Variants in ARHGAP22 observed in about 807,000 individuals in gnomAD.
ARHGAP22 encodes the protein rho GTPase-activating protein 22.
In ARHGAP22, 48 loss-of-function variants were observed where a neutral mutation model predicts 59.1. The ratio of observed to expected loss-of-function variants is 0.81; its 90% CI spans 0.64 to 1.03. ARHGAP22 has a LOEUF of 1.03. Among genes scored for constraint, ARHGAP22 ranks in the 50% least tolerant of loss-of-function variants. The pLI is 0.00. For synonymous variants in ARHGAP22, 445 were observed against 416.4 expected (o/e 1.07, Z -0.84); for missense variants, 1,015 against 958.7 (o/e 1.06, Z -0.78).
At chr10:48,536,430 G>A (rs2055364422) in intron 3 of ARHGAP22, among the ~76,000 whole-genome samples, 1 of 152,186 alleles carries the variant, frequency 6.6e-6, no homozygotes, top group Non-Finnish European at 1.5e-5. Flanking sequence ...GGCTGAGTTG[G>A]CCTCAGATGG....
chr10:48,490,180 G>C (rs2050246796), intron 3 of ARHGAP22, among the ~76,000 whole-genome samples: 1 of 152,166 alleles, frequency 6.6e-6, no homozygotes, highest in Non-Finnish European at 1.5e-5. Flanking sequence ...ACCTCATCAG[G>C]AGAATGAAAT....
intron 9 of ARHGAP22, among the ~76,000 whole-genome samples, chr10:48,447,561 T>C (rs10857569): frequency 0.92 from 140,730 of 152,264 alleles, 65,975 homozygotes; most frequent in East Asian, 1. Flanking sequence ...GCTTGAAGCA[T>C]GGCCTGAGCC....
chr10:48,649,315 C>T lies in ARHGAP22; in HGVS notation c.52+2919G>A, dbSNP rs1230278366. 2.6e-5 allele frequency among the ~76,000 whole-genome samples: 4 copies of T among 152,118 alleles called. 1 individual carries two copies. The highest frequency in any genetic ancestry group is 5.9e-5 in the Non-Finnish European group (4 of 68,018). ...CCAGCAGTGGGGGAGAGAGTCTGCTCTGGGAAAGGCCAAGGTGAGGACAAC... is the reference window on the plus strand; with the variant it reads ...CCAGCAGTGGGGGAGAGAGTCTGCTTTGGGAAAGGCCAAGGTGAGGACAAC... On this transcript the variant is annotated intron_variant, in intron 1 of 9. Coordinates refer to the ARHGAP22 transcript ENST00000435790.
At chr10:48,500,986 G>T (rs543202322) in intron 3 of ARHGAP22, among the ~76,000 whole-genome samples, 43 of 151,986 alleles carry the variant, frequency 2.8e-4, no homozygotes, top group African/African-American at 9.2e-4. Flanking sequence ...TTTGGAGAAG[G>T]CCTAAGTATG....
At chr10:48,634,574 C>T (rs2071610090) in intron 1 of ARHGAP22, among the ~76,000 whole-genome samples, 1 of 152,106 alleles carries the variant, frequency 6.6e-6, no homozygotes, top group Non-Finnish European at 1.5e-5. Flanking sequence ...TTCCGCTTGG[C>T]TCCCTAGAGG....
At chr10:48,580,158 C>A (rs1166296509) in intron 2 of ARHGAP22, among the ~76,000 whole-genome samples, 1 of 152,182 alleles carries the variant, frequency 6.6e-6, no homozygotes, top group Non-Finnish European at 1.5e-5. Flanking sequence ...TCAACGTGCT[C>A]CCTGGCAATA....
intron 3 of ARHGAP22, among the ~76,000 whole-genome samples, 181 bp downstream of exon 3, chr10:48,555,282 G>A (rs2057218143): frequency 6.6e-6 from 1 of 152,180 alleles, no homozygotes; most frequent in Non-Finnish European, 1.5e-5. Context: ...ATAATTGATG[G>A]GACTTTCTAA....
chr10:48,554,369 G>GAACACCCA (rs2057138047), intron 3 of ARHGAP22, among the ~76,000 whole-genome samples: 1 of 152,138 alleles, frequency 6.6e-6, no homozygotes, highest in Non-Finnish European at 1.5e-5. Flanking sequence ...GGGTGGCTGG[G>GAACACCCA]GTGGCTTTAC....
intron 4 of ARHGAP22, among the ~76,000 whole-genome samples, chr10:48,464,591 C>T (rs1054057921): frequency 3.9e-5 from 6 of 152,290 alleles, no homozygotes; most frequent in African/African-American, 1.4e-4. Context: ...TGGTTGGCAG[C>T]ACCCTGCCCT....
chr10:48,634,854 A>C (rs1194068528), intron 1 of ARHGAP22, among the ~76,000 whole-genome samples: 1 of 152,218 alleles, frequency 6.6e-6, no homozygotes, highest in African/African-American at 2.4e-5. Context: ...GGTGGGCCCT[A>C]GTCCAATATG....
intron 3 of ARHGAP22, among the ~76,000 whole-genome samples, chr10:48,551,158 G>A (rs911491449): frequency 5.3e-5 from 8 of 152,152 alleles, no homozygotes; most frequent in African/African-American, 1.2e-4. Context: ...CCTGGTGGAC[G>A]GTGTTGTGAA....
chr10:48,442,125 T>C (rs2045217420), downstream of ARHGAP22, among the ~76,000 whole-genome samples: 1 of 152,182 alleles, frequency 6.6e-6, no homozygotes, highest in Non-Finnish European at 1.5e-5. Flanking sequence ...AGCGCTGTGA[T>C]ATTATAGTGA....
intron 3 of ARHGAP22, among the ~76,000 whole-genome samples, chr10:48,482,315 T>C (rs1294607749): frequency 6.6e-6 from 1 of 152,256 alleles, no homozygotes; most frequent in Non-Finnish European, 1.5e-5. Context: ...CTTTTGCATA[T>C]GCACATTCCA....
At chr10:48,445,194 T>C (rs1197769391), downstream of ARHGAP22, 2 of 152,162 alleles carry the variant, frequency 1.3e-5, no homozygotes, top group Non-Finnish European at 2.9e-5. Flanking sequence ...GTGGGCAACA[T>C]TTATACCTGA....
chr10:48,490,531 A>G (rs995212198), intron 3 of ARHGAP22, among the ~76,000 whole-genome samples: 1 of 152,162 alleles, frequency 6.6e-6, no homozygotes, highest in African/African-American at 2.4e-5. Context: ...AATGACTTAC[A>G]ATTCTATCAT....
chr10:48,466,208 C>T (rs892749200), intron 4 of ARHGAP22, among the ~76,000 whole-genome samples: 2 of 152,008 alleles, frequency 1.3e-5, no homozygotes, highest in African/African-American at 2.4e-5. Context: ...GCCCGAGGCT[C>T]GGATCCCGCT....
Position 48,450,768 on chromosome 10 carries a change from A to T in ARHGAP22, c.1361T>A (p.Ile454Asn). 6.4e-7 allele frequency: 1 copy of T among 1,564,952 alleles called. No individual in the cohort carries two copies. Among genetic ancestry groups the T allele is most frequent in the Non-Finnish European group, 8.7e-7 (1 of 1,155,074 alleles). Residue 454 changes from isoleucine to asparagine, a missense_variant, in exon 9 of 10, where the codon ATC (isoleucine) becomes AAC (asparagine). Transcript: ENST00000249601. ...CATAAGCCAGTTCCCGCCGGAGGAGATGATGGGCACCTCCAGGGATGAGCC... is the reference window on the plus strand; with the variant it reads ...CATAAGCCAGTTCCCGCCGGAGGAGTTGATGGGCACCTCCAGGGATGAGCC... ...GGGSSLEVPIISSGGNWLMNG... is the reference protein window; with the variant it reads ...GGGSSLEVPINSSGGNWLMNG...
At chr10:48,494,629 A>T (rs1176043595) in intron 3 of ARHGAP22, among the ~76,000 whole-genome samples, 1 of 152,038 alleles carries the variant, frequency 6.6e-6, no homozygotes, top group East Asian at 1.9e-4. Context: ...CCGTCCATCC[A>T]TCCACCCATC....
chr10:48,591,454 G>A (rs944845945), intron 1 of ARHGAP22, among the ~76,000 whole-genome samples: 1 of 152,182 alleles, frequency 6.6e-6, no homozygotes, highest in African/African-American at 2.4e-5. Context: ...TATGCAATGG[G>A]AGAGAGAGGA....
Sources: gnomAD v4.1 joint callset for allele counts (sites outside exome capture counted in the v4.1 genomes callset) on GRCh38, gnomAD v4.1.1 for gene constraint, MANE v1.5 for transcripts, NCBI Gene and HGNC (gene_info 2026-07-23, HGNC 2026-07-21) for gene names.